Variants in GRIA1 observed in about 807,000 individuals in gnomAD.
GRIA1 encodes glutamate receptor 1.
A neutral mutation model predicts 99.2 loss-of-function variants in GRIA1; 31 were observed. That is an observed-to-expected ratio of 0.31 (90% confidence interval 0.23 to 0.42). The LOEUF (loss-of-function observed/expected upper bound fraction) is 0.42, where lower values mean the gene tolerates loss of function less well. Among genes scored for constraint, GRIA1 ranks in the 10% least tolerant of loss-of-function variants. GRIA1 has a pLI of 1.00. For synonymous variants in GRIA1, 438 were observed against 432.4 expected (o/e 1.01, Z -0.16); for missense variants, 782 against 1,157.5 (o/e 0.68, Z 4.71).
intron 11 of GRIA1, among the ~76,000 whole-genome samples, chr5:153,737,259 A>G (rs1761443056): frequency 7.2e-6 from 1 of 139,676 alleles, no homozygotes; most frequent in Admixed American, 8.0e-5. Context: ...AGGATACTCC[A>G]TTTTTCTGGG....
chr5:153,658,691 C>T (rs2149468122), intron 5 of GRIA1, among the ~76,000 whole-genome samples: 1 of 152,290 alleles, frequency 6.6e-6, no homozygotes, highest in East Asian at 1.9e-4. Flanking sequence ...TGACCCACTC[C>T]TTCGGAATGT....
intron 14 of GRIA1, among the ~76,000 whole-genome samples, chr5:153,798,587 C>T (rs1240142376): frequency 1.3e-5 from 2 of 152,212 alleles, no homozygotes; most frequent in African/African-American, 2.4e-5. Flanking sequence ...TTTGGAGAAA[C>T]TGAAGCTTGG....
intron 11 of GRIA1, among the ~76,000 whole-genome samples, chr5:153,708,881 C>T (rs372989460): frequency 1.7e-4 from 26 of 152,324 alleles, no homozygotes; most frequent in African/African-American, 6.3e-4. Flanking sequence ...CAAGAGTGAA[C>T]TGCCAAAGGA....
chr5:153,750,624 G>T (rs1172394569), intron 11 of GRIA1, among the ~76,000 whole-genome samples: 2 of 152,142 alleles, frequency 1.3e-5, no homozygotes, highest in African/African-American at 4.8e-5. Flanking sequence ...CCCTGCCTTA[G>T]TGTCTGCTCC....
chr5:153,594,337 C>T (rs937980682), intron 2 of GRIA1, among the ~76,000 whole-genome samples: 4 of 152,118 alleles, frequency 2.6e-5, no homozygotes, highest in Non-Finnish European at 5.9e-5. Context: ...CTTTCATTTG[C>T]AGTTCCATAT....
chr5:153,580,406 G>C (rs1762946394), intron 2 of GRIA1, among the ~76,000 whole-genome samples: 1 of 152,034 alleles, frequency 6.6e-6, no homozygotes, highest in Non-Finnish European at 1.5e-5. Flanking sequence ...ACATTATCTT[G>C]GCCAATTTGA....
At chr5:153,754,991 G>T (rs1007063189) in intron 11 of GRIA1, among the ~76,000 whole-genome samples, 2 of 152,204 alleles carry the variant, frequency 1.3e-5, no homozygotes, top group African/African-American at 4.8e-5. Context: ...TTAGGATGAG[G>T]TCTGAAGGAT....
At chr5:153,698,007 G>T in intron 8 of GRIA1, 37 bp from the exon 9 acceptor site, 1 of 1,165,314 alleles carries the variant, frequency 8.6e-7, no homozygotes, top group Non-Finnish European at 1.3e-6. Flanking sequence ...AGAGGAGGCT[G>T]GCCCACCTGA....
chr5:153,664,888 C>T (rs530582335), intron 5 of GRIA1, among the ~76,000 whole-genome samples: 1 of 152,318 alleles, frequency 6.6e-6, no homozygotes, highest in East Asian at 1.9e-4. Flanking sequence ...ACCGGCTTTT[C>T]ATCAAAAGAT....
chr5:153,765,361 A>T (rs1008717934), intron 12 of GRIA1, among the ~76,000 whole-genome samples: 1 of 152,192 alleles, frequency 6.6e-6, no homozygotes, highest in Non-Finnish European at 1.5e-5. Flanking sequence ...ACTAAAAGAG[A>T]TAGGGTATCT....
intron 2 of GRIA1, among the ~76,000 whole-genome samples, chr5:153,609,239 C>T (rs1765743852): frequency 6.6e-6 from 1 of 152,178 alleles, no homozygotes; most frequent in African/African-American, 2.4e-5. Context: ...CTTCCTCCAT[C>T]CTTAGATCCC....
intron 2 of GRIA1, among the ~76,000 whole-genome samples, chr5:153,539,204 A>G (rs971412462): frequency 6.6e-5 from 10 of 152,264 alleles, no homozygotes; most frequent in African/African-American, 2.4e-4. Flanking sequence ...AAGGAAACAT[A>G]TCAACTATTG....
intron 2 of GRIA1, among the ~76,000 whole-genome samples, chr5:153,587,256 C>T (rs1763571111): frequency 6.6e-6 from 1 of 152,038 alleles, no homozygotes; most frequent in African/African-American, 2.4e-5. Flanking sequence ...TGGCACCTCC[C>T]CCACCACCCT....
chr5:153,564,522 A>T (rs1405205987), intron 2 of GRIA1, among the ~76,000 whole-genome samples: 1 of 152,194 alleles, frequency 6.6e-6, no homozygotes, highest in African/African-American at 2.4e-5. Flanking sequence ...ATGGAGAAGG[A>T]TGGAAGACCT....
chr5:153,807,299 A>G (rs1306940026), intron 15 of GRIA1, among the ~76,000 whole-genome samples: 1 of 152,202 alleles, frequency 6.6e-6, no homozygotes, highest in Non-Finnish European at 1.5e-5. Context: ...AACAAAACAG[A>G]CACTGCTTCT....
At chr5:153,553,007 C>G (rs1285971823) in intron 2 of GRIA1, among the ~76,000 whole-genome samples, 1 of 152,196 alleles carries the variant, frequency 6.6e-6, no homozygotes, top group Non-Finnish European at 1.5e-5. Context: ...TCAAGCAATA[C>G]TCCCACCTTA....
At chr5:153,502,293 G>T (rs769952820) in intron 2 of GRIA1, among the ~76,000 whole-genome samples, 5 of 152,204 alleles carry the variant, frequency 3.3e-5, no homozygotes, top group Non-Finnish European at 5.9e-5. Flanking sequence ...CCACAGTATA[G>T]TGTTCAGTGG....
At chr5:153,574,614 ATTATTATACTGTTG>A (rs1346453373) in intron 2 of GRIA1, among the ~76,000 whole-genome samples, 2 of 152,310 alleles carry the variant, frequency 1.3e-5, no homozygotes, top group East Asian at 3.9e-4. Context: ...TAATTTAAGT[ATTATTATACTGTTG>A]TAATAGAAAT....
intron 2 of GRIA1, among the ~76,000 whole-genome samples, chr5:153,499,541 G>A (rs1452500391): frequency 1.4e-5 from 2 of 145,958 alleles, no homozygotes; most frequent in African/African-American, 5.1e-5. Context: ...CTTGAACTCA[G>A]GAGGCAGAGG....
Sources: allele counts gnomAD v4.1 joint callset (sites outside exome capture counted in the v4.1 genomes callset), GRCh38; gene constraint gnomAD v4.1.1; transcripts MANE v1.5; gene names NCBI Gene and HGNC (gene_info 2026-07-23, HGNC 2026-07-21).